Variants in HMX1 observed in about 807,000 individuals in gnomAD.
HMX1 encodes H6 family homeobox 1.
Under a neutral mutation model 8.9 loss-of-function variants are expected in HMX1, and 8 were observed. The ratio of observed to expected loss-of-function variants is 0.90; its 90% CI spans 0.53 to 1.63. The LOEUF is 1.63. Ranked by LOEUF, HMX1 falls within the 40% of genes most tolerant of loss-of-function variation. The pLI is 0.00. For missense variants in HMX1, 621 were observed against 558.5 expected, an observed-to-expected ratio of 1.11 and a Z score of -1.13; for synonymous variants, 311 against 283.4, an observed-to-expected ratio of 1.10 and a Z score of -0.98.
At position 8,853,282 on chromosome 4, in the gene HMX1, T is replaced by C. The variant is rs1721509731; in HGVS notation, c.395-6958A>G. Among the ~76,000 whole-genome samples, 1 of 152,186 alleles carries C rather than the reference T, an allele frequency of 6.6e-6. No homozygotes were observed. Among genetic ancestry groups the C allele is most frequent in the South Asian group, 2.1e-4 (1 of 4,832 alleles). On this transcript the variant is annotated intron_variant, in intron 1 of 1. Coordinates refer to the HMX1 transcript ENST00000506970. The surrounding 1 kb of genome is among the most constrained non-coding windows in gnomAD (Gnocchi z 4.7). Reference sequence around the variant, plus strand: ...GCTCTGCCCCAGGTCACCAGGGACCTGGCTCCTTCTATCCGAGGCTCTGCT... The same window carrying C: ...GCTCTGCCCCAGGTCACCAGGGACCCGGCTCCTTCTATCCGAGGCTCTGCT...
chr4:8,849,728 C>T lies in HMX1; in HGVS notation c.395-3404G>A, dbSNP rs1276021033. Among the ~76,000 whole-genome samples, 2 of 152,226 alleles carry T rather than the reference C, an allele frequency of 1.3e-5. No individual in the cohort carries two copies. The highest frequency in any genetic ancestry group is 2.9e-5 in the Non-Finnish European group (2 of 68,044). ...TGCAACCCCAGGGGTTTTTCTCCCT[C>T]TCTTCCAATCCTCTGCCCTTGCTGG... On this transcript the variant is annotated intron_variant, in intron 1 of 1. Transcript: ENST00000506970. This position sits in a 1 kb window ranked among gnomAD's most constrained non-coding sequence, Gnocchi z 6.6.
At chr4:8,864,922 C>G (rs147834321), downstream of HMX1, among the ~76,000 whole-genome samples, 1,042 of 152,356 alleles carry the variant, frequency 6.8e-3, 10 homozygotes, top group African/African-American at 0.02. Flanking sequence ...GACACATCCA[C>G]TCTCTCCAAA....
chr4:8,865,833 C>G (rs139701764), downstream of HMX1, among the ~76,000 whole-genome samples: 530 of 152,284 alleles, frequency 3.5e-3, 4 homozygotes, highest in African/African-American at 8.9e-3. Context: ...CCTGGTTTAG[C>G]CAGGAAAGCA....
chr4:8,855,141 A>T (rs1721572118), intron 1 of HMX1, among the ~76,000 whole-genome samples: 1 of 152,240 alleles, frequency 6.6e-6, no homozygotes, highest in Admixed American at 6.5e-5. Flanking sequence ...GACTCCACGC[A>T]GATGAGCCCG....
downstream of HMX1, among the ~76,000 whole-genome samples, chr4:8,865,989 G>A (rs1204341520): frequency 6.6e-6 from 1 of 152,348 alleles, no homozygotes; most frequent in African/African-American, 2.4e-5. Context: ...CCCTCTCTAA[G>A]AATCTCTCAA....
intron 1 of HMX1, among the ~76,000 whole-genome samples, chr4:8,857,177 A>T (rs1220248955): frequency 3.9e-5 from 6 of 152,218 alleles, no homozygotes; most frequent in Non-Finnish European, 5.9e-5. Context: ...AAAATAACGA[A>T]CAGAGTCTCC....
At position 8,847,891 on chromosome 4, in the gene HMX1, A is replaced by C. The variant is rs1721324742; in HGVS notation, c.395-1567T>G. On this transcript the variant is annotated intron_variant, in intron 1 of 1. Coordinates refer to the HMX1 transcript ENST00000506970. The surrounding 1 kb of genome is among the most constrained non-coding windows in gnomAD (Gnocchi z 6.0). ...CTGGAGAGGACCTGAGCTGAGAGCC[A>C]GTGGATTAAGTTGAACTGGAATCAA... Among the ~76,000 whole-genome samples, 2 of 152,210 alleles carry C rather than the reference A, an allele frequency of 1.3e-5. No homozygotes were observed. Among genetic ancestry groups the C allele is most frequent in the Non-Finnish European group, 2.9e-5 (2 of 68,038 alleles).
intron 1 of HMX1, among the ~76,000 whole-genome samples, chr4:8,861,614 G>T (rs1473033654): frequency 6.6e-6 from 1 of 152,170 alleles, no homozygotes; most frequent in African/African-American, 2.4e-5. Context: ...CGGAGCCCCG[G>T]GGGCACGGCC....
chr4:8,857,322 T>C (rs1314809205), intron 1 of HMX1, among the ~76,000 whole-genome samples: 1 of 151,988 alleles, frequency 6.6e-6, no homozygotes, highest in Non-Finnish European at 1.5e-5. Flanking sequence ...TCCTGGAGGG[T>C]CGGGCGGCGG....
At chr4:8,851,111 C>T (rs1721435093) in intron 1 of HMX1, among the ~76,000 whole-genome samples, 1 of 152,242 alleles carries the variant, frequency 6.6e-6, no homozygotes, top group African/African-American at 2.4e-5. Flanking sequence ...AGCCAGCTGC[C>T]CAAGCAGCCG....
intron 1 of HMX1, chr4:8,846,334 A>AG: frequency 6.5e-7 from 1 of 1,531,462 alleles, no homozygotes; most frequent in Non-Finnish European, 8.7e-7. Context: ...CCTGCAGGGG[A>AG]GAAAAACCAG....
chr4:8,846,191 G>T lies in HMX1; in HGVS notation c.528C>A (p.Cys176Ter). The change falls in exon 2 of 2, where the codon TGC (cysteine) becomes TGA (stop). Residue 176 changes from cysteine (C) to a stop codon, truncating the protein, a stop_gained. Transcript: ENST00000506970. LOFTEE classifies it high-confidence loss of function. ...ACAAAGGCTCCACCGTGTTGTGGCT[G>T]CACCATCCAGTCCCTGCGGCCTCCT... 7.3e-7 allele frequency: 1 copy of T among 1,372,572 alleles called. No homozygotes were observed. The highest frequency in any genetic ancestry group is 1.0e-6 in the Non-Finnish European group (1 of 1,000,742). The allele number at this position is 1,372,572 out of a possible 1,614,324, so 85.0% of individuals were successfully genotyped here.
At chr4:8,852,527 G>A (rs1299124384) in intron 1 of HMX1, among the ~76,000 whole-genome samples, 1 of 152,232 alleles carries the variant, frequency 6.6e-6, no homozygotes, top group Admixed American at 6.5e-5. Context: ...GCACCACGCT[G>A]CCTCACAGGA....
rs571790777 is a variant in HMX1 at position 8,847,539 on chromosome 4, C to A, written c.395-1215G>T. Among the ~76,000 whole-genome samples the A allele has an allele frequency of 6.6e-6, 1 of 152,184 alleles. No homozygotes were observed. Among genetic ancestry groups the A allele is most frequent in the Admixed American group, 6.5e-5 (1 of 15,282 alleles). ...GCACAACTCCTGTCCCGAGAGCAGG[C>A]GGACCTGAAGGAACATCGGCCAGAC... On this transcript the variant is annotated intron_variant, in intron 1 of 1. Coordinates refer to the HMX1 transcript ENST00000506970. The surrounding 1 kb of genome is among the most constrained non-coding windows in gnomAD (Gnocchi z 6.0).
chr4:8,868,854 CAGA>C lies in HMX1; in HGVS notation c.395-512_395-510del. On this transcript the variant is annotated intron_variant, in intron 1 of 1. Coordinates refer to ENST00000400677, the MANE Select transcript of HMX1 (RefSeq NM_018942.3). The surrounding 1 kb of genome is among the most constrained non-coding windows in gnomAD (Gnocchi z 4.6). ...GCATCCAGCCCCACGCCAAGCTCCCCAGAAGGAGGAATGAAGAGTTCACAGGCC... is the reference window on the plus strand; with the variant it reads ...GCATCCAGCCCCACGCCAAGCTCCCCAGGAGGAATGAAGAGTTCACAGGCC... Among the ~76,000 whole-genome samples the C allele has an allele frequency of 6.6e-6, 1 of 152,288 alleles. No individual in the cohort carries two copies. The highest frequency in any genetic ancestry group is 2.1e-4 in the South Asian group (1 of 4,822).
intron 1 of HMX1, chr4:8,858,587 C>G (rs1401721180): frequency 1.3e-5 from 2 of 152,178 alleles, no homozygotes; most frequent in Non-Finnish European, 2.9e-5. Flanking sequence ...TCCCCTCGCC[C>G]GGACGTCATG....
intron 1 of HMX1, among the ~76,000 whole-genome samples, chr4:8,846,598 G>A (rs1259917844): frequency 6.6e-6 from 1 of 152,182 alleles, no homozygotes; most frequent in Admixed American, 6.5e-5. Context: ...GAGTGGCACT[G>A]ACCATAGGGT....
chr4:8,863,363 G>C (rs1045363495), downstream of HMX1, among the ~76,000 whole-genome samples: 3 of 152,196 alleles, frequency 2.0e-5, no homozygotes, highest in African/African-American at 7.2e-5. Context: ...GGAAAGAGAA[G>C]CCCACCCGGC....
chr4:8,848,937 G>T lies in HMX1; in HGVS notation c.395-2613C>A, dbSNP rs898324266. On this transcript the variant is annotated intron_variant, in intron 1 of 1. Transcript: ENST00000506970. This position sits in a 1 kb window ranked among gnomAD's most constrained non-coding sequence, Gnocchi z 4.1. ...AAATGTTCCCTCTGTGAAAAGGTGG[G>T]CTGTATCCAGCAGAGGGTAACCTGT... Among the ~76,000 whole-genome samples the T allele has an allele frequency of 5.9e-5, 9 of 152,188 alleles. No individual in the cohort carries two copies. The highest frequency in any genetic ancestry group is 1.2e-4 in the Non-Finnish European group (8 of 68,040).
Sources: gnomAD v4.1 joint callset for allele counts (sites outside exome capture counted in the v4.1 genomes callset) on GRCh38, gnomAD v4.1.1 for gene constraint, Gnocchi (gnomAD v3.1) non-coding constraint, MANE v1.5 for transcripts, NCBI Gene and HGNC (gene_info 2026-07-23, HGNC 2026-07-21) for gene names.